Variants in SGMS1 observed in about 807,000 individuals in gnomAD.
SGMS1 encodes the protein sphingomyelin synthase 1, also known as phosphatidylcholine:ceramide cholinephosphotransferase 1.
Under a neutral mutation model 46.2 loss-of-function variants are expected in SGMS1, and 13 were observed. The ratio of observed to expected loss-of-function variants is 0.28; its 90% CI spans 0.18 to 0.45. The LOEUF (loss-of-function observed/expected upper bound fraction) is 0.45, where lower values mean the gene tolerates loss of function less well. SGMS1 is among the 20% of genes least tolerant of loss of function. The pLI, the probability that SGMS1 is intolerant of heterozygous loss-of-function variation, is 1.00. For synonymous variants in SGMS1, 203 were observed against 187.8 expected, an observed-to-expected ratio of 1.08 and a Z score of -0.66; for missense variants, 324 against 519.9, an observed-to-expected ratio of 0.62 and a Z score of 3.66.
chr10:50,424,965 CA>C (rs1033519223), intron 6 of SGMS1, among the ~76,000 whole-genome samples: 3 of 144,454 alleles, frequency 2.1e-5, no homozygotes, highest in South Asian at 2.3e-4. Flanking sequence ...AACATACATA[CA>C]AAAAAAATGA....
intron 5 of SGMS1, among the ~76,000 whole-genome samples, chr10:50,447,012 C>T (rs1285376440): frequency 2.0e-5 from 3 of 152,080 alleles, no homozygotes; most frequent in African/African-American, 7.2e-5. Context: ...GAAATATATA[C>T]CCAATCAAAG....
chr10:50,353,815 A>G (rs1418081798), intron 6 of SGMS1, among the ~76,000 whole-genome samples: 1 of 152,042 alleles, frequency 6.6e-6, no homozygotes, highest in Non-Finnish European at 1.5e-5. Flanking sequence ...AGAGAGCCAA[A>G]TCATGAGTGA....
At chr10:50,523,428 T>C (rs1837873349) in intron 2 of SGMS1, among the ~76,000 whole-genome samples, 1 of 152,210 alleles carries the variant, frequency 6.6e-6, no homozygotes, top group Non-Finnish European at 1.5e-5. Flanking sequence ...TCTCTATTAG[T>C]GGGGCAATTG....
At chr10:50,605,652 G>T (rs1408770529) in intron 1 of SGMS1, among the ~76,000 whole-genome samples, 1 of 152,188 alleles carries the variant, frequency 6.6e-6, no homozygotes, top group African/African-American at 2.4e-5. Context: ...AAAGTGGTGG[G>T]TGTGTTTATA....
At chr10:50,329,475 A>G (rs1362735409) in intron 7 of SGMS1, among the ~76,000 whole-genome samples, 1 of 152,204 alleles carries the variant, frequency 6.6e-6, no homozygotes, top group African/African-American at 2.4e-5. Flanking sequence ...TTGGCATTTA[A>G]TATTTTTGAA....
At chr10:50,319,390 T>C (rs1847403921) in intron 8 of SGMS1, among the ~76,000 whole-genome samples, 1 of 152,180 alleles carries the variant, frequency 6.6e-6, no homozygotes. Flanking sequence ...CATTCTCTTC[T>C]AAAATCACAC....
intron 1 of SGMS1, among the ~76,000 whole-genome samples, chr10:50,605,735 C>T (rs1838688564): frequency 6.6e-6 from 1 of 152,202 alleles, no homozygotes; most frequent in Non-Finnish European, 1.5e-5. Context: ...CAAGAAGGCA[C>T]ATATTTTTAT....
intron 6 of SGMS1, among the ~76,000 whole-genome samples, chr10:50,421,785 C>A (rs1849257990): frequency 6.6e-6 from 1 of 152,056 alleles, no homozygotes; most frequent in Admixed American, 6.6e-5. Context: ...TCTAAAAATT[C>A]TTAACTTTCA....
chr10:50,610,642 T>C (rs1032105428), intron 1 of SGMS1, among the ~76,000 whole-genome samples: 1 of 152,212 alleles, frequency 6.6e-6, no homozygotes, highest in African/African-American at 2.4e-5. Context: ...CCTTTCAAAG[T>C]AACTTAGTTG....
At chr10:50,553,625 G>A (rs1002710880) in intron 2 of SGMS1, among the ~76,000 whole-genome samples, 1 of 152,110 alleles carries the variant, frequency 6.6e-6, no homozygotes, top group Non-Finnish European at 1.5e-5. Context: ...AGCAAGGTAA[G>A]GCAGGTGGAA....
intron 2 of SGMS1, among the ~76,000 whole-genome samples, chr10:50,535,526 C>T (rs1837992872): frequency 6.6e-6 from 1 of 152,018 alleles, no homozygotes; most frequent in Non-Finnish European, 1.5e-5. Flanking sequence ...TGCACCACCA[C>T]ACCTAGCTAA....
chr10:50,324,206 G>A (rs1161588607), intron 8 of SGMS1, among the ~76,000 whole-genome samples: 2 of 152,134 alleles, frequency 1.3e-5, no homozygotes, highest in Admixed American at 1.3e-4. Flanking sequence ...TGCCATTTAG[G>A]GAGGGAACTG....
chr10:50,495,081 A>C lies in SGMS1; in HGVS notation c.-498+24750T>G, dbSNP rs570004999. 4.7e-5 allele frequency among the ~76,000 whole-genome samples: 7 copies of C among 148,154 alleles called. No homozygotes were observed. In the East Asian group the frequency reaches 9.8e-4, roughly 21 times the overall value. On this transcript the variant is annotated intron_variant, in intron 3 of 10. Transcript: ENST00000361781. ...AAAAAATACAAAAAATACAAAAAAA[A>C]AAAAAAATTAGCCGGACGTGCTTGC...
intron 6 of SGMS1, among the ~76,000 whole-genome samples, chr10:50,390,171 A>C (rs1193313530): frequency 1.3e-5 from 2 of 152,238 alleles, no homozygotes; most frequent in African/African-American, 4.8e-5. Flanking sequence ...ATTATTATTC[A>C]AACTATTCGG....
At chr10:50,587,426 A>C (rs926269299) in intron 2 of SGMS1, among the ~76,000 whole-genome samples, 1 of 152,192 alleles carries the variant, frequency 6.6e-6, no homozygotes, top group South Asian at 2.1e-4. Context: ...CGAGGTCAGG[A>C]GTTCGAGACC....
At position 50,560,597 on chromosome 10, in the gene SGMS1, T is replaced by C. The variant is rs542203436; in HGVS notation, c.-589+29556A>G. ...ACATAATACAAATATACATAATATA[T>C]GGCATATAATACACAATATATGTAA... On this transcript the variant is annotated intron_variant, in intron 2 of 10. Coordinates refer to ENST00000361781, the MANE Select transcript of SGMS1 (RefSeq NM_147156.4). Among the ~76,000 whole-genome samples the C allele has an allele frequency of 3.4e-5, 5 of 146,466 alleles. No homozygotes were observed. The South Asian group carries it at 6.3e-4, about 18-fold the overall frequency.
rs113266321 is a variant in SGMS1, at chr10:50,366,233, G to GA, written c.-231-21889dup. 3.5e-4 allele frequency among the ~76,000 whole-genome samples: 53 copies of GA among 151,414 alleles called. 1 individual carries two copies. Among genetic ancestry groups the GA allele is most frequent in the African/African-American group, 2.2e-4 (9 of 41,294 alleles). ...ACAAGGAACTTAAACAAATTTATAA[G>GA]AAAAAAAAATCCCATCAAAAAGTGG... On this transcript the variant is annotated intron_variant, in intron 6 of 10. Coordinates refer to ENST00000361781, the MANE Select transcript of SGMS1 (RefSeq NM_147156.4).
chr10:50,503,984 T>C (rs539392000), intron 3 of SGMS1, among the ~76,000 whole-genome samples: 1 of 152,356 alleles, frequency 6.6e-6, no homozygotes, highest in Admixed American at 6.5e-5. Context: ...TGACTGACAC[T>C]ATGCAACTTT....
At chr10:50,622,682 AC>A (rs1430096905) in intron 1 of SGMS1, among the ~76,000 whole-genome samples, 7 of 152,180 alleles carry the variant, frequency 4.6e-5, no homozygotes, top group Admixed American at 2.0e-4. Context: ...GTGAAAAGAA[AC>A]ATCTGAGAAG....
Sources: gnomAD v4.1 joint callset for allele counts (sites outside exome capture counted in the v4.1 genomes callset) on GRCh38, gnomAD v4.1.1 for gene constraint, MANE v1.5 for transcripts, NCBI Gene and HGNC (gene_info 2026-07-23, HGNC 2026-07-21) for gene names.